The following COG5 variants were observed in gnomAD, a reference collection of about 807,000 sequenced individuals.
COG5 encodes the protein component of oligomeric golgi complex 5, also known as conserved oligomeric Golgi complex subunit 5.
COG5 carries 86 observed loss-of-function variants against 110.4 expected under a neutral mutation model. The ratio of observed to expected loss-of-function variants is 0.78; its 90% confidence interval spans 0.65 to 0.93. The LOEUF is 0.93. COG5 is among the 40% of genes least tolerant of loss of function. COG5 has a pLI of 0.00. For missense variants in COG5, 1,077 were observed against 987.0 expected (o/e 1.09, Z -1.22); for synonymous variants, 360 against 334.6 (o/e 1.08, Z -0.83).
At chr7:107,336,824 A>G (rs1467901055) in intron 10 of COG5, among the ~76,000 whole-genome samples, 1 of 152,174 alleles carries the variant, frequency 6.6e-6, no homozygotes, top group Non-Finnish European at 1.5e-5. Context: ...TCACTTGCAT[A>G]TGCCACCTGT....
At chr7:107,289,115 T>C (rs1209579361) in intron 12 of COG5, among the ~76,000 whole-genome samples, 1 of 151,284 alleles carries the variant, frequency 6.6e-6, no homozygotes, top group Non-Finnish European at 1.5e-5. Context: ...GCATGAGACA[T>C]GAGACACTGT....
At chr7:107,475,973 T>C (rs933035168) in intron 6 of COG5, among the ~76,000 whole-genome samples, 64 of 151,130 alleles carry the variant, frequency 4.2e-4, no homozygotes, top group Non-Finnish European at 1.0e-4. Context: ...AAAAAACCTC[T>C]GTATACACAC....
intron 12 of COG5, among the ~76,000 whole-genome samples, chr7:107,294,946 CACACATATATATAT>C (rs1262929008): frequency 8.4e-6 from 1 of 118,478 alleles, no homozygotes; most frequent in African/African-American, 3.1e-5. Flanking sequence ...CACACACACA[CACACATATATATAT>C]ACACACATAT....
chr7:107,245,218 A>T (rs1159744952), intron 17 of COG5, among the ~76,000 whole-genome samples: 1 of 152,232 alleles, frequency 6.6e-6, no homozygotes, highest in East Asian at 1.9e-4. Flanking sequence ...ATACCTCAAA[A>T]TAATAAGCAC....
chr7:107,279,682 A>G (rs1463760040), intron 14 of COG5, among the ~76,000 whole-genome samples: 2 of 152,164 alleles, frequency 1.3e-5, no homozygotes, highest in Non-Finnish European at 2.9e-5. Context: ...GATGTTTTTT[A>G]TAATCTTATT....
At chr7:107,252,575 TACCAAA>T (rs1348054434) in intron 16 of COG5, among the ~76,000 whole-genome samples, 1 of 152,294 alleles carries the variant, frequency 6.6e-6, no homozygotes, top group Non-Finnish European at 1.5e-5. Context: ...ATTAACTTGC[TACCAAA>T]ACCAAATAAA....
intron 16 of COG5, among the ~76,000 whole-genome samples, chr7:107,252,546 C>G (rs1473250598): frequency 6.6e-6 from 1 of 152,136 alleles, no homozygotes; most frequent in East Asian, 1.9e-4. Context: ...CACTTTCAAA[C>G]TCATTTAGTG....
At chr7:107,242,407 C>A (rs1050544236) in intron 17 of COG5, among the ~76,000 whole-genome samples, 3 of 152,186 alleles carry the variant, frequency 2.0e-5, no homozygotes, top group Non-Finnish European at 2.9e-5. Flanking sequence ...CTGCAGCAGC[C>A]CTATGGCAAA....
chr7:107,249,862 C>A (rs560556882), intron 16 of COG5, among the ~76,000 whole-genome samples: 3 of 151,846 alleles, frequency 2.0e-5, no homozygotes, highest in East Asian at 3.9e-4. Context: ...TTCCTTTGAG[C>A]GTCATGTTGA....
At chr7:107,559,319 AC>A (rs1803590599) in intron 1 of COG5, among the ~76,000 whole-genome samples, 1 of 152,194 alleles carries the variant, frequency 6.6e-6, no homozygotes, top group East Asian at 1.9e-4. Flanking sequence ...AAAAATAGAT[AC>A]CCAGAAGGGA....
chr7:107,232,638 G>A (rs1467955017), intron 18 of COG5, among the ~76,000 whole-genome samples: 3 of 152,062 alleles, frequency 2.0e-5, no homozygotes, highest in South Asian at 4.1e-4. Flanking sequence ...CTATGCCGCA[G>A]GACAATTTCA....
At chr7:107,504,163 G>A (rs1328647027) in intron 6 of COG5, among the ~76,000 whole-genome samples, 1 of 152,000 alleles carries the variant, frequency 6.6e-6, no homozygotes, top group South Asian at 2.1e-4. Context: ...TAATTTGAAG[G>A]AAATCCCTTC....
At chr7:107,472,045 T>C (rs1376614065) in intron 6 of COG5, 2 of 152,068 alleles carry the variant, frequency 1.3e-5, no homozygotes, top group Non-Finnish European at 2.9e-5. Flanking sequence ...TATGTTTCCT[T>C]TTTTGTTTTC....
intron 6 of COG5, among the ~76,000 whole-genome samples, chr7:107,479,124 T>C (rs1008189236): frequency 1.3e-5 from 2 of 151,982 alleles, no homozygotes; most frequent in African/African-American, 4.8e-5. Context: ...GTAAATACTA[T>C]AAAAGAAGAA....
chr7:107,412,409 TA>T, intron 7 of COG5, 92 bp downstream of exon 7: 1 of 1,170,750 alleles, frequency 8.5e-7, no homozygotes, highest in Non-Finnish European at 1.3e-6. Context: ...TATATTACTA[TA>T]AGACATATAT....
chr7:107,305,802 A>T lies in COG5; in HGVS notation c.1109-7456T>A, dbSNP rs919850154. On this transcript the variant is annotated intron_variant, in intron 11 of 21. Transcript: ENST00000297135. ...GTGGAATGGTATGACAGCTGCTTGT[A>T]TCGTCAAAATGTGCAAGCAAAGAAG... Among the ~76,000 whole-genome samples, 3 of 152,090 alleles carry T rather than the reference A, an allele frequency of 2.0e-5. No individual in the cohort carries two copies. In the East Asian group the frequency reaches 5.9e-4, roughly 30 times the overall value.
chr7:107,215,410 G>A (rs552143834), intron 19 of COG5, among the ~76,000 whole-genome samples: 2 of 152,290 alleles, frequency 1.3e-5, no homozygotes, highest in Non-Finnish European at 2.9e-5. Context: ...GCTCACGCCT[G>A]TAATCCCAGC....
chr7:107,255,817 C>T (rs79449527), intron 16 of COG5, among the ~76,000 whole-genome samples: 313 of 152,112 alleles, frequency 2.1e-3, no homozygotes, highest in Middle Eastern at 0.01. Context: ...CCAAAGTCTA[C>T]GCTTTATGGC....
At chr7:107,235,573 C>T (rs527299549) in intron 18 of COG5, among the ~76,000 whole-genome samples, 8 of 152,222 alleles carry the variant, frequency 5.3e-5, no homozygotes, top group African/African-American at 1.7e-4. Flanking sequence ...CGTGGTGGCG[C>T]GTGCCTGTAG....
Sources: gnomAD v4.1 joint callset for allele counts (sites outside exome capture counted in the v4.1 genomes callset) on GRCh38, gnomAD v4.1.1 for gene constraint, MANE v1.5 for transcripts, NCBI Gene and HGNC (gene_info 2026-07-23, HGNC 2026-07-21) for gene names.